Variants in SERGEF observed in about 807,000 individuals in gnomAD.
SERGEF encodes secretion-regulating guanine nucleotide exchange factor.
A neutral mutation model predicts 50.0 loss-of-function variants in SERGEF; 51 were observed. The ratio of observed to expected loss-of-function variants is 1.02; its 90% confidence interval spans 0.81 to 1.29. The LOEUF (loss-of-function observed/expected upper bound fraction) is 1.29, where lower values mean the gene tolerates loss of function less well. SERGEF is among the 50% of genes most tolerant of loss of function. The pLI is 0.00. For synonymous variants in SERGEF, 205 were observed against 212.4 expected (o/e 0.97, Z 0.30); for missense variants, 521 against 557.0 (o/e 0.94, Z 0.65).
intron 10 of SERGEF, among the ~76,000 whole-genome samples, chr11:17,873,485 T>C (rs988029288): frequency 1.3e-5 from 2 of 152,248 alleles, no homozygotes; most frequent in African/African-American, 4.8e-5. Context: ...GTTATTTCTC[T>C]ATTTTCCTAT....
chr11:17,999,931 A>T (rs558341767), intron 5 of SERGEF, among the ~76,000 whole-genome samples: 1 of 152,336 alleles, frequency 6.6e-6, no homozygotes, highest in Admixed American at 6.5e-5. Flanking sequence ...TGAGGATTAA[A>T]TAAAGTAATC....
chr11:17,957,067 G>A (rs375749941), intron 9 of SERGEF, among the ~76,000 whole-genome samples: 1 of 152,318 alleles, frequency 6.6e-6, no homozygotes, highest in East Asian at 1.9e-4. Context: ...AACCTGAAAT[G>A]AGATCAGAGC....
At chr11:18,001,929 A>C (rs985493066) in intron 4 of SERGEF, 1 of 453,534 alleles carries the variant, frequency 2.2e-6, no homozygotes, top group African/African-American at 2.0e-5. Context: ...CAAGGGCAGG[A>C]CCTGAGTCTT....
intron 9 of SERGEF, among the ~76,000 whole-genome samples, chr11:17,954,345 C>T (rs540055201): frequency 7.9e-5 from 12 of 152,224 alleles, no homozygotes; most frequent in South Asian, 2.1e-4. Context: ...GGCAGTCTTC[C>T]GAGGGAGCTG....
intron 9 of SERGEF, among the ~76,000 whole-genome samples, chr11:17,910,845 G>T (rs143044979): frequency 9.3e-4 from 141 of 152,134 alleles, no homozygotes; most frequent in African/African-American, 3.2e-3. Flanking sequence ...TAACAAATAC[G>T]CTAATACAAA....
chr11:17,885,641 T>C (rs979631512), intron 9 of SERGEF, among the ~76,000 whole-genome samples: 1 of 152,064 alleles, frequency 6.6e-6, no homozygotes, highest in Admixed American at 6.5e-5. Context: ...ATCTGATTTT[T>C]TTTTTAATTA....
At chr11:17,879,800 G>A (rs193108703) in intron 9 of SERGEF, among the ~76,000 whole-genome samples, 217 of 151,994 alleles carry the variant, frequency 1.4e-3, no homozygotes, top group African/African-American at 4.8e-3. Context: ...TCCACCATGC[G>A]TATATATTTC....
At chr11:17,969,516 T>G (rs211097) in intron 8 of SERGEF, among the ~76,000 whole-genome samples, 210 of 151,630 alleles carry the variant, frequency 1.4e-3, no homozygotes, top group Non-Finnish European at 2.3e-3. Flanking sequence ...GGCTGGGGGG[T>G]GAGGAGTGTG....
intron 4 of SERGEF, among the ~76,000 whole-genome samples, chr11:18,003,181 C>A (rs1384495619): frequency 6.6e-6 from 1 of 152,204 alleles, no homozygotes; most frequent in Non-Finnish European, 1.5e-5. Context: ...GAAAAAACAT[C>A]TCCCACTATT....
rs1387441357 is a variant in SERGEF, at chr11:17,884,124, G to T, written c.1012-5880C>A. On this transcript the variant is annotated intron_variant, in intron 9 of 10. Coordinates refer to ENST00000265965, the MANE Select transcript of SERGEF (RefSeq NM_012139.4). The surrounding 1 kb of genome is among the most constrained non-coding windows in gnomAD (Gnocchi z 4.6). The stretch of plus-strand genomic sequence containing the variant: ...AGCCCAAAGGCCACCCAGGGTGCCA[G>T]ATGGACAGCGAGGCCTGCTGATTGG... 1.3e-5 allele frequency among the ~76,000 whole-genome samples: 2 copies of T among 152,234 alleles called. No homozygotes were observed. The highest frequency in any genetic ancestry group is 2.9e-5 in the Non-Finnish European group (2 of 68,040).
chr11:17,903,908 A>G (rs1233762928), intron 9 of SERGEF, among the ~76,000 whole-genome samples: 1 of 152,236 alleles, frequency 6.6e-6, no homozygotes, highest in Non-Finnish European at 1.5e-5. Context: ...ATCTTAAGTG[A>G]CAAGGTAACA....
intron 9 of SERGEF, among the ~76,000 whole-genome samples, chr11:17,952,064 C>T (rs1346887809): frequency 2.0e-5 from 3 of 152,136 alleles, no homozygotes; most frequent in Non-Finnish European, 4.4e-5. Context: ...TTTTTCAGCA[C>T]AATTCTATTA....
At chr11:17,970,578 A>C (rs1853226117) in intron 8 of SERGEF, among the ~76,000 whole-genome samples, 1 of 152,246 alleles carries the variant, frequency 6.6e-6, no homozygotes, top group Non-Finnish European at 1.5e-5. Context: ...AGGTATGTCA[A>C]AAGCCAAGAT....
chr11:17,799,334 C>T lies in SERGEF; in HGVS notation c.1049-10921G>A, dbSNP rs1025043767. Among the ~76,000 whole-genome samples the T allele has an allele frequency of 2.4e-4, 36 of 152,222 alleles. 1 individual carries two copies. Among genetic ancestry groups the T allele is most frequent in the Non-Finnish European group, 2.1e-4 (14 of 68,034 alleles). On this transcript the variant is annotated intron_variant, in intron 10 of 10. Transcript: ENST00000265965. ...TTGCTGAACCCGCGGCCTGCAAAAA[C>T]TCTTAAACAGTTTCTGGAGGACTTG...
At chr11:18,012,514 C>T in intron 1 of SERGEF, 1 of 1,117,316 alleles carries the variant, frequency 9.0e-7, no homozygotes, top group Non-Finnish European at 1.1e-6. Flanking sequence ...CTAAAGGATG[C>T]TTTCGCCAGG....
intron 9 of SERGEF, among the ~76,000 whole-genome samples, chr11:17,927,492 A>T (rs905644500): frequency 6.6e-6 from 1 of 152,228 alleles, no homozygotes; most frequent in Non-Finnish European, 1.5e-5. Context: ...AGCAGAGGAA[A>T]AGCACACATA....
intron 10 of SERGEF, among the ~76,000 whole-genome samples, chr11:17,792,238 C>T (rs181706471): frequency 7.9e-5 from 12 of 152,330 alleles, no homozygotes; most frequent in Admixed American, 1.3e-4. Flanking sequence ...AATGCGGAAG[C>T]GCATACAGAG....
rs1196621716 is a variant in SERGEF at position 17,986,285 on chromosome 11, T to C, written c.844+2312A>G. ...ACTGCTGCTAGAAGGAACACAAAAT[T>C]GGTGAATCATGTAACCGGAAACTCC... On this transcript the variant is annotated intron_variant, in intron 8 of 10. Coordinates refer to ENST00000265965, the MANE Select transcript of SERGEF (RefSeq NM_012139.4). Among the ~76,000 whole-genome samples, 7 of 152,120 alleles carry C rather than the reference T, an allele frequency of 4.6e-5. 1 individual carries two copies. The highest frequency in any genetic ancestry group is 1.3e-4 in the Admixed American group (2 of 15,272).
intron 6 of SERGEF, among the ~76,000 whole-genome samples, chr11:17,994,290 C>T (rs750223311): frequency 2.0e-5 from 3 of 151,764 alleles, no homozygotes; most frequent in South Asian, 2.1e-4. Flanking sequence ...CTGGTTAACA[C>T]GGTGAAAACC....
Sources: allele counts gnomAD v4.1 joint callset (sites outside exome capture counted in the v4.1 genomes callset), GRCh38; gene constraint gnomAD v4.1.1; non-coding constraint Gnocchi (gnomAD v3.1); transcripts MANE v1.5; gene names NCBI Gene and HGNC (gene_info 2026-07-23, HGNC 2026-07-21).